The following GET3 variants were observed in gnomAD, a reference collection of about 807,000 sequenced individuals.
GET3 encodes ATPase GET3.
GET3 carries 15 observed loss-of-function variants against 32.4 expected under a neutral mutation model. That is an observed-to-expected ratio of 0.46 (90% CI 0.31 to 0.71). The LOEUF is 0.71. Ranked by LOEUF, GET3 falls within the 30% of genes least tolerant of loss-of-function variation. The pLI is 0.05. For missense variants in GET3, 333 were observed against 459.0 expected (o/e 0.73, Z 2.51); for synonymous variants, 198 against 185.6 (o/e 1.07, Z -0.54).
intron 2 of GET3, among the ~76,000 whole-genome samples, chr19:12,741,049 C>G (rs1251322141): frequency 6.6e-6 from 1 of 152,104 alleles, no homozygotes. Context: ...CAAGGGCGGG[C>G]GTGGTGGCTC....
chr19:12,746,883 G>A (rs147895637), intron 4 of GET3, among the ~76,000 whole-genome samples: 2,255 of 151,924 alleles, frequency 0.015, 60 homozygotes, highest in African/African-American at 0.052. Context: ...GGTGGTGCGC[G>A]CCTGTAATCC....
Position 12,738,771 on chromosome 19 carries a change from G to A in GET3, c.309+113G>A, listed in dbSNP as rs573232311. Reference sequence around the variant, plus strand: ...ATCCACTCTATATCCTGTGTCTCTCGTGTTTCACTCCTTCCTCAACATACT... The same window carrying A: ...ATCCACTCTATATCCTGTGTCTCTCATGTTTCACTCCTTCCTCAACATACT... On this transcript the variant is annotated intron_variant, in intron 2 of 6. Coordinates refer to ENST00000357332, the MANE Select transcript of GET3 (RefSeq NM_004317.4). 2.6e-5 allele frequency: 35 copies of A among 1,353,492 alleles called. 1 individual carries two copies. Among genetic ancestry groups the A allele is most frequent in the East Asian group, 1.9e-4 (8 of 41,506 alleles). The allele number at this position is 1,353,492 out of a possible 1,614,324, so 83.8% of individuals were successfully genotyped here.
chr19:12,747,177 C>T lies in GET3; in HGVS notation c.610-20C>T, dbSNP rs1246857317. On this transcript the variant is annotated intron_variant, in intron 4 of 6. Transcript: ENST00000357332. This position sits in a 1 kb window ranked among gnomAD's most constrained non-coding sequence, Gnocchi z 4.0. Reference sequence around the variant, plus strand: ...GGTCGCCGCAGGTAAGCTATGAGCCCTCCCACATCCCCCCTGCAGATGTGC... The same window carrying T: ...GGTCGCCGCAGGTAAGCTATGAGCCTTCCCACATCCCCCCTGCAGATGTGC... 3.8e-6 allele frequency: 6 copies of T among 1,567,234 alleles called. No homozygotes were observed. In the Admixed American group the frequency reaches 5.5e-5, roughly 14 times the overall value.
At chr19:12,741,484 C>T (rs1967668367) in intron 2 of GET3, among the ~76,000 whole-genome samples, 2 of 150,758 alleles carry the variant, frequency 1.3e-5, no homozygotes, top group South Asian at 2.1e-4. Context: ...ATAAGCCAGG[C>T]ACGGTGGCTC....
chr19:12,739,476 T>C (rs1967627038), intron 2 of GET3, among the ~76,000 whole-genome samples: 1 of 152,164 alleles, frequency 6.6e-6, no homozygotes, highest in East Asian at 1.9e-4. Context: ...AGGGATGTAT[T>C]TTGGAAGTAA....
chr19:12,737,343 C>G, upstream of GET3: 2 of 1,073,700 alleles, frequency 1.9e-6, no homozygotes, highest in Non-Finnish European at 2.5e-6. Flanking sequence ...AAAGTGAACC[C>G]TGGAAGCAAA....
chr19:12,738,326 G>A (rs1967609777), intron 1 of GET3, among the ~76,000 whole-genome samples, 185 bp from the exon 2 acceptor site: 1 of 152,116 alleles, frequency 6.6e-6, no homozygotes, highest in Non-Finnish European at 1.5e-5. Flanking sequence ...AGAGGGGTCA[G>A]GAGATAAATC....
At chr19:12,739,173 T>G (rs1967622797) in intron 2 of GET3, among the ~76,000 whole-genome samples, 1 of 151,572 alleles carries the variant, frequency 6.6e-6, no homozygotes, top group African/African-American at 2.4e-5. Flanking sequence ...ACTTGAGGTT[T>G]TTTTTTTTTT....
At chr19:12,742,723 T>A (rs1172379910) in intron 2 of GET3, among the ~76,000 whole-genome samples, 1 of 152,138 alleles carries the variant, frequency 6.6e-6, no homozygotes, top group East Asian at 1.9e-4. Context: ...CTGTATTTTT[T>A]TTTAGTAGAG....
chr19:12,747,514 G>A lies in GET3; in HGVS notation c.837G>A (p.Gln279=), dbSNP rs1465056573. ...KIDTHNIIVN[Q]LVFPDPEKPC... ...ACACACACAATATAATTGTCAACCAGCTCGTCTTCCCCGACCCCGAGAAGC... is the reference window on the plus strand; with the variant it reads ...ACACACACAATATAATTGTCAACCAACTCGTCTTCCCCGACCCCGAGAAGC... Residue 279 remains glutamine, a synonymous_variant, in exon 6 of 7, where the codon CAG becomes CAA. Transcript: ENST00000357332. The surrounding 1 kb of genome is among the most constrained non-coding windows in gnomAD (Gnocchi z 4.0). The A allele has an allele frequency of 1.2e-6, 2 of 1,613,876 alleles. No homozygotes were observed. The highest frequency in any genetic ancestry group is 1.7e-6 in the Non-Finnish European group (2 of 1,180,010).
chr19:12,737,749 A>G, intron 1 of GET3, 83 bp downstream of exon 1: 2 of 1,488,418 alleles, frequency 1.3e-6, no homozygotes, highest in Non-Finnish European at 1.8e-6. Context: ...CTTTTCCACC[A>G]CGACCGGGGC....
chr19:12,744,165 G>A (rs1281473838), intron 2 of GET3, among the ~76,000 whole-genome samples: 2 of 146,856 alleles, frequency 1.4e-5, no homozygotes, highest in Non-Finnish European at 3.0e-5. Context: ...GTGATGAGCT[G>A]AGATCGCGCC....
chr19:12,737,979 C>T (rs1293779115), intron 1 of GET3, among the ~76,000 whole-genome samples: 3 of 152,032 alleles, frequency 2.0e-5, no homozygotes, highest in Non-Finnish European at 4.4e-5. Context: ...TGGGTGAGGG[C>T]GGCACCAGAA....
At chr19:12,746,281 T>C (rs927225190) in intron 4 of GET3, among the ~76,000 whole-genome samples, 3 of 152,300 alleles carry the variant, frequency 2.0e-5, no homozygotes, top group Admixed American at 2.0e-4. Flanking sequence ...TACAGACATG[T>C]ACCACCATGC....
chr19:12,737,719 A>C, intron 1 of GET3, 53 bp downstream of exon 1: 1 of 1,540,308 alleles, frequency 6.5e-7, no homozygotes. Flanking sequence ...CCACTGGGCG[A>C]AGGGGAGGCC....
At chr19:12,739,191 T>C (rs1251698711) in intron 2 of GET3, among the ~76,000 whole-genome samples, 2 of 150,672 alleles carry the variant, frequency 1.3e-5, no homozygotes, top group African/African-American at 4.9e-5. Context: ...TTTTAGACAC[T>C]CAAGACTCCT....
At chr19:12,741,236 C>T (rs1010309412) in intron 2 of GET3, among the ~76,000 whole-genome samples, 4 of 151,748 alleles carry the variant, frequency 2.6e-5, no homozygotes, top group South Asian at 4.2e-4. Flanking sequence ...GTGGGCGGAT[C>T]ACAAAGTCAG....
In GET3 at chr19:12,745,297, GCTCCCCCT is replaced by G; in HGVS notation, c.310-79_310-72del. 1 of 1,536,752 alleles carries G rather than the reference GCTCCCCCT, an allele frequency of 6.5e-7. No homozygotes were observed. The highest frequency in any genetic ancestry group is 8.8e-7 in the Non-Finnish European group (1 of 1,138,574). ...TCTGGCCCTGTGCCCGGGTAGGAAG[GCTCCCCCT>G]GGCCCTGTGCCCAGGTGGGAAGGCT... On this transcript the variant is annotated intron_variant, in intron 2 of 6. Transcript: ENST00000357332. The surrounding 1 kb of genome is among the most constrained non-coding windows in gnomAD (Gnocchi z 5.0).
In GET3 at chr19:12,745,038, G is replaced by A. The variant is rs1270646345; in HGVS notation, c.310-339G>A. Among the ~76,000 whole-genome samples the A allele has an allele frequency of 6.6e-6, 1 of 152,098 alleles. No homozygotes were observed. The highest frequency in any genetic ancestry group is 1.5e-5 in the Non-Finnish European group (1 of 68,004). ...GGGATGATGATCCGGAAGAGGTCAT[G>A]GCCCAGTCATGGGAGTATCTGGGGT... On this transcript the variant is annotated intron_variant, in intron 2 of 6. Coordinates refer to ENST00000357332, the MANE Select transcript of GET3 (RefSeq NM_004317.4). The surrounding 1 kb of genome is among the most constrained non-coding windows in gnomAD (Gnocchi z 5.0).
Sources: allele counts gnomAD v4.1 joint callset (sites outside exome capture counted in the v4.1 genomes callset), GRCh38; gene constraint gnomAD v4.1.1; non-coding constraint Gnocchi (gnomAD v3.1); transcripts MANE v1.5; gene names NCBI Gene and HGNC (gene_info 2026-07-23, HGNC 2026-07-21).